Variants in PRR5 observed in about 807,000 individuals in gnomAD.
The protein encoded by PRR5 is proline rich 5.
Under a neutral mutation model 30.6 loss-of-function variants are expected in PRR5, and 25 were observed. The observed-to-expected ratio is 0.82, with a 90% CI of 0.60 to 1.14. The LOEUF (loss-of-function observed/expected upper bound fraction) is 1.14. Ranked by LOEUF, PRR5 falls within the 50% of genes most tolerant of loss-of-function variation. The probability of loss-of-function intolerance (pLI) is 0.00; values close to 1 mark genes in which losing one functional copy is unlikely to be tolerated. For missense variants in PRR5, 600 were observed against 547.1 expected (o/e 1.10, Z -0.96); for synonymous variants, 286 against 247.1 (o/e 1.16, Z -1.48).
At chr22:44,730,465 C>T (rs1045000622) in intron 4 of PRR5, 2 of 988,944 alleles carry the variant, frequency 2.0e-6, no homozygotes, top group Non-Finnish European at 2.4e-6. Context: ...CACGTTGCCT[C>T]TCCCACTGGA....
At chr22:44,700,265 A>T (rs1337254384), upstream of PRR5, among the ~76,000 whole-genome samples, 2 of 152,108 alleles carry the variant, frequency 1.3e-5, no homozygotes, top group Non-Finnish European at 2.9e-5. Flanking sequence ...GGAGTTTAAG[A>T]CCAGCCTGGC....
At position 44,731,809 on chromosome 22, in the gene PRR5, C is replaced by T. The variant is rs1389205411; in HGVS notation, c.402C>T (p.Phe134=). 3 of 1,613,284 alleles carry T rather than the reference C, an allele frequency of 1.9e-6. No individual in the cohort carries two copies. Among genetic ancestry groups the T allele is most frequent in the Admixed American group, 3.3e-5 (2 of 60,020 alleles). ...TGCTGCCCATGCTGCAGGCCATCTT[C>T]TACCCGGTGCAGGTGGGCAGCCCAG... ...SDVLPMLQAI[F]YPVQGKEPSV... Residue 134 remains phenylalanine, a synonymous_variant, in exon 5 of 8, where the codon TTC becomes TTT. Transcript: ENST00000336985.
intron 1 of PRR5, among the ~76,000 whole-genome samples, chr22:44,695,920 C>T (rs1925703246): frequency 1.1e-5 from 1 of 92,980 alleles, no homozygotes; most frequent in Admixed American, 1.3e-4. Flanking sequence ...TTGATTCTGA[C>T]AACTTTTTTT....
intron 4 of PRR5, chr22:44,729,571 G>A (rs1233882242): frequency 1.6e-5 from 16 of 985,244 alleles, no homozygotes; most frequent in African/African-American, 3.5e-5. Flanking sequence ...CGTGTATCAC[G>A]CCCCTTTCAT....
chr22:44,680,170 T>G (rs1433112770), intron 1 of PRR5, among the ~76,000 whole-genome samples: 1 of 152,196 alleles, frequency 6.6e-6, no homozygotes, highest in Non-Finnish European at 1.5e-5. Flanking sequence ...TGTGGCCCTT[T>G]AGGGTCACAG....
upstream of PRR5, among the ~76,000 whole-genome samples, chr22:44,698,066 C>T (rs1200582564): frequency 1.3e-5 from 2 of 152,184 alleles, no homozygotes; most frequent in Non-Finnish European, 2.9e-5. Flanking sequence ...TTCCTGTCCC[C>T]TGGGTGTCCA....
At position 44,714,653 on chromosome 22, in the gene PRR5, G is replaced by A. The variant is rs779407336; in HGVS notation, c.197G>A (p.Ser66Asn). 3.1e-6 allele frequency: 5 copies of A among 1,613,854 alleles called. No individual in the cohort carries two copies. Among genetic ancestry groups the A allele is most frequent in the Non-Finnish European group, 2.5e-6 (3 of 1,179,992 alleles). ...RKGLPDQELF[S>N]LNEGVRQLLK... is the part of the protein sequence containing the mutation. The stretch of plus-strand genomic sequence containing the variant: ...GGGCTGCCCGACCAGGAGCTCTTCA[G>A]CCTCAACGAGGGCGTCCGGTGAGTG... The change falls in exon 2 of 8, where the codon AGC becomes AAC. Residue 66 changes from serine to asparagine, a missense_variant. Physicochemically the swap from Ser to Asn is conservative, Grantham distance 46. Transcript: ENST00000336985.
rs543877003 is a variant in PRR5 at position 44,710,722 on chromosome 22, G to A, written c.135-3869G>A. On this transcript the variant is annotated intron_variant, in intron 1 of 7. Transcript: ENST00000336985. ...GCAGAGGTCCTGGGTGTGGGGGAGGGGCCTCTGCGGGTGCCAGGCTGTGTG... is the reference window on the plus strand; with the variant it reads ...GCAGAGGTCCTGGGTGTGGGGGAGGAGCCTCTGCGGGTGCCAGGCTGTGTG... Among the ~76,000 whole-genome samples the A allele has an allele frequency of 2.7e-3, 413 of 152,250 alleles. 4 individuals carry two copies. Among genetic ancestry groups the A allele is most frequent in the Middle Eastern group, 0.024 (7 of 294 alleles).
chr22:44,731,300 T>C, intron 4 of PRR5: 2 of 277,420 alleles, frequency 7.2e-6, no homozygotes, highest in South Asian at 8.2e-5. Context: ...CCTGTGCGGG[T>C]CTCACCTGTG....
In PRR5 at chr22:44,679,862, G is replaced by A. The variant is rs375407566; in HGVS notation, c.-11+2622G>A. On this transcript the variant is annotated intron_variant, in intron 1 of 8. Transcript: ENST00000006251. Reference sequence around the variant, plus strand: ...GCTCGGGAAGCCCGGAAAAGATGCCGGCGCAGCCTGAGGGCTTGTACAGGT... The same window carrying A: ...GCTCGGGAAGCCCGGAAAAGATGCCAGCGCAGCCTGAGGGCTTGTACAGGT... 141 of 1,588,586 alleles carry A rather than the reference G, an allele frequency of 8.9e-5. No homozygotes were observed. In the African/African-American group the frequency reaches 1.6e-3, roughly 18 times the overall value.
At position 44,736,924 on chromosome 22, in the gene PRR5, T is replaced by G; in HGVS notation, c.844T>G (p.Ser282Ala). The change falls in exon 8 of 8, where the codon TCT becomes GCT. Residue 282 changes from serine to alanine, a missense_variant. Ser to Ala is a moderately conservative substitution (Grantham distance 99, BLOSUM62 1). Coordinates refer to ENST00000336985, the MANE Select transcript of PRR5 (RefSeq NM_181333.4). ...CGGCGGTACCAGCATCCGCAGGCAC[T>G]CTGTGTCGGAGATGACGTCCTGCCC... ...AAGGTSIRRH[S>A]VSEMTSCPEP... is the part of the protein sequence containing the mutation. The G allele has an allele frequency of 6.2e-7, 1 of 1,607,844 alleles. No individual in the cohort carries two copies. Among genetic ancestry groups the G allele is most frequent in the Non-Finnish European group, 8.5e-7 (1 of 1,178,518 alleles).
At position 44,736,856 on chromosome 22, in the gene PRR5, T is replaced by C; in HGVS notation, c.776T>C (p.Leu259Pro). 6.2e-7 allele frequency: 1 copy of C among 1,607,936 alleles called. No homozygotes were observed. Among genetic ancestry groups the C allele is most frequent in the South Asian group, 1.1e-5 (1 of 90,880 alleles). Residue 259 changes from leucine to proline, a missense_variant, in exon 8 of 8, where the codon CTG (leucine) becomes CCG (proline). Leu to Pro is a moderately conservative substitution (Grantham distance 98). Transcript: ENST00000336985. Reference protein sequence around the residue: ...VVRSKSYNTPLLNPVQEHEAE... With the variant: ...VVRSKSYNTPPLNPVQEHEAE... ...CGCTCCAAGAGCTACAACACGCCTC[T>C]GCTGAACCCCGTGCAGGAGCACGAG...
At chr22:44,688,413 C>G (rs1024168774) in intron 1 of PRR5, among the ~76,000 whole-genome samples, 3 of 152,106 alleles carry the variant, frequency 2.0e-5, no homozygotes, top group Admixed American at 2.0e-4. Flanking sequence ...TGCAATGTTA[C>G]TATTATACTA....
chr22:44,717,080 G>C (rs1459072894), intron 2 of PRR5, among the ~76,000 whole-genome samples: 1 of 151,560 alleles, frequency 6.6e-6, no homozygotes, highest in African/African-American at 2.4e-5. Context: ...AAAAATGAAA[G>C]GATTTTAATT....
At chr22:44,705,257 T>C (rs1465117587) in intron 1 of PRR5, among the ~76,000 whole-genome samples, 1 of 152,168 alleles carries the variant, frequency 6.6e-6, no homozygotes, top group Non-Finnish European at 1.5e-5. Flanking sequence ...TGTGGCTGCA[T>C]CACTCCAATA....
intron 4 of PRR5, among the ~76,000 whole-genome samples, chr22:44,728,715 T>A: frequency 6.6e-6 from 1 of 152,232 alleles, no homozygotes; most frequent in Middle Eastern, 3.4e-3. Context: ...CTACCCCTGC[T>A]TGGGTTCCAC....
chr22:44,730,113 G>A (rs1168522452), intron 4 of PRR5: 2 of 985,348 alleles, frequency 2.0e-6, no homozygotes, highest in Non-Finnish European at 2.4e-6. Context: ...GCCCCTGGCG[G>A]GGTCCCACTC....
In PRR5 at chr22:44,708,241, G is replaced by T. The variant is rs1927552074; in HGVS notation, c.134+5633G>T. On this transcript the variant is annotated intron_variant, in intron 1 of 7. Transcript: ENST00000336985. ...AAAACAAATAGGGAAACCAATGCCA[G>T]AGGAGGAAAGGCACTCGATCAAGAT... Among the ~76,000 whole-genome samples, 6 of 152,142 alleles carry T rather than the reference G, an allele frequency of 3.9e-5. No individual in the cohort carries two copies. In the South Asian group the frequency reaches 1.2e-3, roughly 32 times the overall value.
chr22:44,716,997 G>A (rs1199115653), intron 2 of PRR5, among the ~76,000 whole-genome samples: 1 of 152,004 alleles, frequency 6.6e-6, no homozygotes, highest in Non-Finnish European at 1.5e-5. Flanking sequence ...GGAGGAGGAG[G>A]TTGCAGTGTG....
Sources: allele counts gnomAD v4.1 joint callset (sites outside exome capture counted in the v4.1 genomes callset), GRCh38; gene constraint gnomAD v4.1.1; transcripts MANE v1.5; gene names NCBI Gene and HGNC (gene_info 2026-07-23, HGNC 2026-07-21).